SLC66A1: variants seen among roughly 807,000 people sequenced by gnomAD.
The protein encoded by SLC66A1 is solute carrier family 66 member 1, also known as lysosomal amino acid transporter 1 homolog.
Under a neutral mutation model 33.0 loss-of-function variants are expected in SLC66A1, and 23 were observed. That is an observed-to-expected ratio of 0.70 (90% CI 0.50 to 0.99). The LOEUF is 0.99. Among genes scored for constraint, SLC66A1 ranks in the 50% least tolerant of loss-of-function variants. The pLI is 0.00. For synonymous variants in SLC66A1, 164 were observed against 175.5 expected, an observed-to-expected ratio of 0.93 and a Z score of 0.52; for missense variants, 335 against 383.6, an observed-to-expected ratio of 0.87 and a Z score of 1.06.
intron 1 of SLC66A1, among the ~76,000 whole-genome samples, chr1:19,314,194 G>A (rs1007666316): frequency 1.3e-5 from 2 of 152,198 alleles, no homozygotes; most frequent in African/African-American, 2.4e-5. Context: ...TCTGTTCAGG[G>A]ATCAGGTGTG....
At position 19,327,403 on chromosome 1, in the gene SLC66A1, C is replaced by A; in HGVS notation, c.795C>A (p.Leu265=). ...WLVGSLGVLL[L]DTIISIQFLV... ...TGGGCAGCCTGGGCGTGCTGCTGCT[C>A]GACACCATCGTATCCTTCAGGGCGT... The change falls in exon 7 of 8, where the codon CTC becomes CTA. Residue 265 remains leucine, a synonymous_variant. Coordinates refer to ENST00000375153, the MANE Select transcript of SLC66A1 (RefSeq NM_001040125.2). 6.3e-7 allele frequency: 1 copy of A among 1,591,112 alleles called. No homozygotes were observed. Among genetic ancestry groups the A allele is most frequent in the South Asian group, 1.2e-5 (1 of 86,840 alleles).
At chr1:19,327,491 C>A (rs2093874448) in intron 7 of SLC66A1, 79 bp downstream of exon 7, 1 of 1,481,892 alleles carries the variant, frequency 6.7e-7, no homozygotes, top group African/African-American at 1.4e-5. Context: ...CAGCACTCAT[C>A]CGTCTCTTCC....
chr1:19,327,536 C>CCTCA, intron 7 of SLC66A1, 124 bp downstream of exon 7: 1 of 961,816 alleles, frequency 1.0e-6, no homozygotes, highest in Non-Finnish European at 1.6e-6. Flanking sequence ...TCCATCCCTC[C>CCTCA]CTCCCTCCCT....
chr1:19,326,622 A>C lies in SLC66A1; in HGVS notation c.617A>C (p.Asn206Thr). 6.2e-7 allele frequency: 1 copy of C among 1,613,882 alleles called. No individual in the cohort carries two copies. The highest frequency in any genetic ancestry group is 1.3e-5 in the African/African-American group (1 of 75,058). Residue 206 changes from asparagine (N) to threonine (T), a missense_variant and splice_region_variant, in exon 6 of 8, where the codon AAC becomes ACC. By Grantham distance (65) the Asn-to-Thr change is moderately conservative (BLOSUM62 0). Coordinates refer to ENST00000375153, the MANE Select transcript of SLC66A1 (RefSeq NM_001040125.2). ...TCCCGGCTGCCTCAGATCCGCACCAACGTGAGCCTCCAGCAGGGGCTGGGT... is the reference window on the plus strand; with the variant it reads ...TCCCGGCTGCCTCAGATCCGCACCACCGTGAGCCTCCAGCAGGGGCTGGGT... Reference protein sequence around the residue: ...LLSRLPQIRTNFLRKSTQGIS... With the variant: ...LLSRLPQIRTTFLRKSTQGIS...
intron 2 of SLC66A1, among the ~76,000 whole-genome samples, chr1:19,319,605 G>GGTTTTTTTTTTTTTTTTTTTTT (rs2093823237): frequency 8.9e-6 from 1 of 111,870 alleles, no homozygotes. Context: ...GCACATTCAT[G>GGTTTTTTTTTTTTTTTTTTTTT]TTTTTTTTTT....
At chr1:19,331,196 G>T (rs990288193), downstream of SLC66A1, among the ~76,000 whole-genome samples, 2 of 152,196 alleles carry the variant, frequency 1.3e-5, no homozygotes, top group African/African-American at 4.8e-5. Context: ...ATTTTTAGTA[G>T]AGACGGGGTT....
chr1:19,327,404 G>T lies in SLC66A1; in HGVS notation c.796G>T (p.Asp266Tyr). The T allele has an allele frequency of 6.3e-7, 1 of 1,591,278 alleles. No homozygotes were observed. The highest frequency in any genetic ancestry group is 8.6e-7 in the Non-Finnish European group (1 of 1,168,716). ...LVGSLGVLLL[D>Y]TIISIQFLVY... ...GGGCAGCCTGGGCGTGCTGCTGCTCGACACCATCGTATCCTTCAGGGCGTG... is the reference window on the plus strand; with the variant it reads ...GGGCAGCCTGGGCGTGCTGCTGCTCTACACCATCGTATCCTTCAGGGCGTG... Residue 266 changes from aspartate to tyrosine, a missense_variant, in exon 7 of 8, where the codon GAC (aspartate) becomes TAC (tyrosine). By Grantham distance (160) the Asp-to-Tyr change is radical. Transcript: ENST00000375153.
chr1:19,319,030 T>C (rs1440771399), intron 2 of SLC66A1, among the ~76,000 whole-genome samples: 1 of 152,202 alleles, frequency 6.6e-6, no homozygotes, highest in Non-Finnish European at 1.5e-5. Flanking sequence ...TCAAAGGCCC[T>C]GTGGCCTAAG....
At chr1:19,327,445 G>A in intron 7 of SLC66A1, 33 bp downstream of exon 7, 1 of 1,568,992 alleles carries the variant, frequency 6.4e-7, no homozygotes, top group Non-Finnish European at 8.7e-7. Context: ...CAGGTGGCGG[G>A]GTGTGGGCAA....
chr1:19,317,899 C>A (rs2093814287), intron 2 of SLC66A1, 58 bp downstream of exon 2: 1 of 1,574,724 alleles, frequency 6.4e-7, no homozygotes, highest in Non-Finnish European at 8.6e-7. Flanking sequence ...GGCAGTGGCT[C>A]CAGCTACTGC....
At chr1:19,320,087 G>T (rs1345801626) in intron 2 of SLC66A1, among the ~76,000 whole-genome samples, 1 of 151,092 alleles carries the variant, frequency 6.6e-6, no homozygotes, top group Non-Finnish European at 1.5e-5. Flanking sequence ...TTTTGGTAGA[G>T]CTGGGGCTTC....
chr1:19,324,890 G>A lies in SLC66A1; in HGVS notation c.294+128G>A, dbSNP rs561571588. On this transcript the variant is annotated intron_variant, in intron 3 of 7. Coordinates refer to ENST00000375153, the MANE Select transcript of SLC66A1 (RefSeq NM_001040125.2). ...ACCCTGACCCGTCATTCCATCTTGTGGGAGGGCCCCATCCTTCTGTCTGCC... is the reference window on the plus strand; with the variant it reads ...ACCCTGACCCGTCATTCCATCTTGTAGGAGGGCCCCATCCTTCTGTCTGCC... 3.8e-6 allele frequency: 5 copies of A among 1,322,638 alleles called. No individual in the cohort carries two copies. In the South Asian group the frequency reaches 4.2e-5, roughly 11 times the overall value. The allele number at this position is 1,322,638 out of a possible 1,614,324, so 81.9% of individuals were successfully genotyped here. A position where few individuals can be genotyped will look rare whatever the true frequency, so the allele number is the denominator to read the frequency against.
At position 19,319,605 on chromosome 1, in the gene SLC66A1, G is replaced by GTTTTTTTTTTTTTTTTTT. The variant is rs569177720; in HGVS notation, c.164+1780_164+1781insTTTTTTTTTTTTTTTTTT. Among the ~76,000 whole-genome samples, 33 of 111,830 alleles carry GTTTTTTTTTTTTTTTTTT rather than the reference G, an allele frequency of 3.0e-4. 4 individuals are homozygous for GTTTTTTTTTTTTTTTTTT. The East Asian group carries it at 6.2e-3, about 21-fold the overall frequency. 73.4% of individuals were successfully genotyped at this position (111,830 alleles called of 152,430 possible). A position where few individuals can be genotyped will look rare whatever the true frequency, so the allele number is the denominator to read the frequency against. ...GATTAATGTTGCTGTGCACATTCATGTTTTTTTTTTTTTTTTGCCTGGTGC... is the reference window on the plus strand; with the variant it reads ...GATTAATGTTGCTGTGCACATTCATGTTTTTTTTTTTTTTTTTTTTTTTTTTTTTTTTTTGCCTGGTGC... On this transcript the variant is annotated intron_variant, in intron 2 of 7. Coordinates refer to ENST00000375153, the MANE Select transcript of SLC66A1 (RefSeq NM_001040125.2).
In SLC66A1 at chr1:19,326,377, C is replaced by T. The variant is rs373143807; in HGVS notation, c.515C>T (p.Ser172Leu). Residue 172 changes from serine to leucine, a missense_variant, in exon 5 of 8, where the codon TCG becomes TTG. Ser to Leu is a moderately radical substitution (Grantham distance 145). Coordinates refer to ENST00000375153, the MANE Select transcript of SLC66A1 (RefSeq NM_001040125.2). ...FRGRALLSVE[S>L]GSKPFTRQEV... The stretch of plus-strand genomic sequence containing the variant: ...GGGCGGGCGCTCCTGTCCGTGGAGT[C>T]GGGCAGCAAGGTGAGGCGTGGGCGT... 1.4e-5 allele frequency: 23 copies of T among 1,606,694 alleles called. No homozygotes were observed. The highest frequency in any genetic ancestry group is 2.2e-5 in the East Asian group (1 of 44,808).
At chr1:19,317,521 G>T in intron 1 of SLC66A1, 79 bp from the exon 2 acceptor site, 1 of 1,423,418 alleles carries the variant, frequency 7.0e-7, no homozygotes, top group Middle Eastern at 2.6e-4. Context: ...GAAAAGGCTG[G>T]GATGAGCTTA....
At chr1:19,330,582 A>C (rs78704314), downstream of SLC66A1, among the ~76,000 whole-genome samples, 85 of 152,242 alleles carry the variant, frequency 5.6e-4, 1 homozygote, top group East Asian at 0.013. Flanking sequence ...TTCTCAGAGG[A>C]GTGGCCTTTG....
downstream of SLC66A1, among the ~76,000 whole-genome samples, chr1:19,331,482 C>A (rs1485891535): frequency 6.6e-6 from 1 of 152,146 alleles, no homozygotes; most frequent in Non-Finnish European, 1.5e-5. Context: ...TTGCTGGGGG[C>A]CCATGGCTTG....
rs1382369702 is a variant in SLC66A1, at chr1:19,317,603, C to G, written c.-75C>G. 1.2e-5 allele frequency: 19 copies of G among 1,570,118 alleles called. 1 individual carries two copies. The East Asian group carries it at 1.8e-4, about 15-fold the overall frequency. The stretch of plus-strand genomic sequence containing the variant: ...CCTCCTCCCTTCCTCCCTGTAGAAC[C>G]CTTGCTGGCCTCAGAACACCAGCGC... On this transcript the variant is annotated 5_prime_UTR_variant, in exon 2 of 8. Transcript: ENST00000375153.
intron 2 of SLC66A1, 102 bp from the exon 3 acceptor site, chr1:19,324,531 C>T: frequency 6.9e-7 from 1 of 1,446,972 alleles, no homozygotes; most frequent in Non-Finnish European, 9.5e-7. Flanking sequence ...TCCATCGCCG[C>T]CTCGATCCCC....
Sources: allele counts gnomAD v4.1 joint callset (sites outside exome capture counted in the v4.1 genomes callset), GRCh38; gene constraint gnomAD v4.1.1; transcripts MANE v1.5; gene names NCBI Gene and HGNC (gene_info 2026-07-23, HGNC 2026-07-21).